The following KLK4 variants were observed in gnomAD, a reference collection of about 807,000 sequenced individuals.
KLK4 encodes kallikrein related peptidase 4, also known as kallikrein-4.
A neutral mutation model predicts 24.3 loss-of-function variants in KLK4; 24 were observed. The observed-to-expected ratio is 0.99, with a 90% confidence interval of 0.72 to 1.39. KLK4 has a LOEUF of 1.39. KLK4 is among the 40% of genes most tolerant of loss of function. KLK4 has a pLI of 0.00. For synonymous variants in KLK4, 142 were observed against 138.8 expected (o/e 1.02, Z -0.16); for missense variants, 344 against 327.4 (o/e 1.05, Z -0.39).
Position 50,910,625 on chromosome 19 carries a change from A to C in KLK4, c.61+53T>G. ...GACACTGAGTCACACCTGAACATTA[A>C]CAAACACTGTGCCCCCAAGCACGGA... On this transcript the variant is annotated intron_variant, in intron 2 of 5. Coordinates refer to ENST00000324041, the Ensembl canonical transcript of KLK4. The surrounding 1 kb of genome is among the most constrained non-coding windows in gnomAD (Gnocchi z 4.4). 1 of 1,500,104 alleles carries C rather than the reference A, an allele frequency of 6.7e-7. No individual in the cohort carries two copies. 92.9% of individuals were successfully genotyped at this position (1,500,104 alleles called of 1,614,324 possible).
intron 3 of KLK4, 43 bp downstream of exon 3, chr19:50,909,209 C>A: frequency 6.2e-7 from 1 of 1,613,916 alleles, no homozygotes; most frequent in South Asian, 1.1e-5. Flanking sequence ...AGGCCCCGCC[C>A]CCGGACCCAG....
At chr19:50,906,585 T>C (rs1227563910) in exon 6 of KLK4, 1 of 307,518 alleles carries the variant, frequency 3.3e-6, no homozygotes, top group Non-Finnish European at 6.0e-6. Flanking sequence ...GTTGGGGGCC[T>C]GGACCCCTGG....
chr19:50,908,199 G>T, intron 5 of KLK4, 160 bp downstream of exon 5: 1 of 851,070 alleles, frequency 1.2e-6, no homozygotes, highest in Non-Finnish European at 1.9e-6. Flanking sequence ...CTTTATTCCT[G>T]TGTTTATTTC....
Position 50,910,599 on chromosome 19 carries a change from G to A in KLK4, c.61+79C>T, listed in dbSNP as rs1027477440. ...GGCAGCTTTGCAGTCACAAGCAAGA[G>A]GACACTGAGTCACACCTGAACATTA... is the stretch of plus-strand genomic sequence containing the variant. On this transcript the variant is annotated intron_variant, in intron 2 of 5. Coordinates refer to ENST00000324041, the Ensembl canonical transcript of KLK4. The surrounding 1 kb of genome is among the most constrained non-coding windows in gnomAD (Gnocchi z 4.4). 1.5e-5 allele frequency: 20 copies of A among 1,332,914 alleles called. No homozygotes were observed. The highest frequency in any genetic ancestry group is 5.9e-5 in the Admixed American group (3 of 50,672). The allele number at this position is 1,332,914 out of a possible 1,614,324, so 82.6% of individuals were successfully genotyped here.
rs143632081 is a variant in KLK4 at position 50,908,611 on chromosome 19, C to T, written c.443G>A (p.Cys148Tyr). The T allele has an allele frequency of 6.1e-5, 99 of 1,614,110 alleles. 1 individual carries two copies. The highest frequency in any genetic ancestry group is 8.1e-5 in the Non-Finnish European group (95 of 1,180,052). Residue 148 changes from cysteine (C) to tyrosine (Y), a missense_variant, in exon 4 of 6, where the codon TGC becomes TAC. Physicochemically the swap from Cys to Tyr is radical, Grantham distance 194. Transcript: ENST00000324041. The stretch of plus-strand genomic sequence containing the variant: ...CAGCAGACCCCAGCCAGAAACGAGG[C>T]AAGAGTTCCCCGCGGTAGGGCACTG...
chr19:50,910,708 A>T lies in KLK4; in HGVS notation c.31T>A (p.Phe11Ile). ...ACACCAAGGATGAGGTACCCCAGGA[A>T]CCAGCCCCAGGGATTTCCTGCTGTG... is the stretch of plus-strand genomic sequence containing the variant. Residue 11 changes from phenylalanine (F) to isoleucine (I), a missense_variant, in exon 2 of 6, where the codon TTC becomes ATC. Coordinates refer to ENST00000324041, the Ensembl canonical transcript of KLK4. This position sits in a 1 kb window ranked among gnomAD's most constrained non-coding sequence, Gnocchi z 4.4. The T allele has an allele frequency of 6.4e-7, 1 of 1,555,584 alleles. No individual in the cohort carries two copies. The highest frequency in any genetic ancestry group is 8.7e-7 in the Non-Finnish European group (1 of 1,148,828).
chr19:50,906,469 T>C, exon 6 of KLK4: 1 of 275,696 alleles, frequency 3.6e-6, no homozygotes, highest in Admixed American at 4.8e-5. Context: ...AGAGTCTAGG[T>C]GGCATTGGAC....
At chr19:50,909,230 C>T in intron 3 of KLK4, 22 bp downstream of exon 3, 1 of 1,614,054 alleles carries the variant, frequency 6.2e-7, no homozygotes, top group Non-Finnish European at 8.5e-7. Flanking sequence ...GCCCTGCCCA[C>T]TCCCCCTACC....
chr19:50,909,310 A>C, exon 3 of KLK4: 1 of 1,614,232 alleles, frequency 6.2e-7, no homozygotes, highest in South Asian at 1.1e-5. Flanking sequence ...ACGCCCGAGC[A>C]GAACAATTCG....
At chr19:50,908,531 G>C in intron 4 of KLK4, 36 bp from the exon 5 acceptor site, 3 of 1,614,170 alleles carry the variant, frequency 1.9e-6, no homozygotes, top group Non-Finnish European at 2.5e-6. Flanking sequence ...CCCCGCGACT[G>C]GGCAGAGGAC....
intron 5 of KLK4, among the ~76,000 whole-genome samples, chr19:50,907,404 CTTTTTTTTTT>C (rs147857832): frequency 9.0e-6 from 1 of 110,726 alleles, no homozygotes; most frequent in African/African-American, 3.4e-5. Context: ...TTTGTAAAGT[CTTTTTTTTTT>C]TTTTTTTTTT....
rs561379091 is a variant in KLK4, at chr19:50,910,305, A to G, written c.61+373T>C. On this transcript the variant is annotated intron_variant, in intron 2 of 5. Transcript: ENST00000324041. The surrounding 1 kb of genome is among the most constrained non-coding windows in gnomAD (Gnocchi z 4.4). ...AGTTCCTTGGGGATGGGAGAGGGGG[A>G]TCTCAGGACTGAAGACCCAGGAAGC... 5.3e-5 allele frequency among the ~76,000 whole-genome samples: 8 copies of G among 152,028 alleles called. No individual in the cohort carries two copies. The highest frequency in any genetic ancestry group is 1.9e-4 in the African/African-American group (8 of 41,432).
intron 5 of KLK4, 144 bp from the exon 6 acceptor site, chr19:50,907,230 A>G (rs2090440697): frequency 2.3e-6 from 2 of 859,934 alleles, no homozygotes; most frequent in Non-Finnish European, 3.8e-6. Context: ...ATCTGTTGGA[A>G]GTCCCATTCC....
At chr19:50,909,033 G>C in intron 3 of KLK4, 1 of 1,480,026 alleles carries the variant, frequency 6.8e-7, no homozygotes, top group East Asian at 2.5e-5. Context: ...TAGAGACTCA[G>C]CACTGGGCTG....
chr19:50,908,452 C>T, exon 5 of KLK4: 2 of 1,614,162 alleles, frequency 1.2e-6, no homozygotes, highest in Non-Finnish European at 1.7e-6. Flanking sequence ...CCTCCTCAGA[C>T]ACCACCGACA....
intron 5 of KLK4, chr19:50,908,147 G>A (rs907001717): frequency 1.7e-5 from 11 of 639,660 alleles, no homozygotes; most frequent in Non-Finnish European, 2.4e-5. Context: ...GTGTGTTTCT[G>A]CCTCCCCATG....
rs1221968640 is a variant in KLK4, at chr19:50,910,993, G to A, written c.-11-244C>T. 6.6e-6 allele frequency among the ~76,000 whole-genome samples: 1 copy of A among 152,134 alleles called. No individual in the cohort carries two copies. The highest frequency in any genetic ancestry group is 6.5e-5 in the Admixed American group (1 of 15,272). On this transcript the variant is annotated intron_variant, in intron 1 of 5. Transcript: ENST00000324041. This position sits in a 1 kb window ranked among gnomAD's most constrained non-coding sequence, Gnocchi z 4.4. ...GAGAGAGAACTAGGTAGAAAGGAAA[G>A]TTTAGAGAAAGCATCTAGCCATCTG...
Position 50,908,354 on chromosome 19 carries a change from C to T in KLK4, c.612+5G>A, listed in dbSNP as rs1250426247. On this transcript the variant is annotated splice_donor_5th_base_variant and intron_variant, in intron 5 of 5. Transcript: ENST00000324041. ...TCGCCTGCCCTCCCCTTTCCCCTCTCTCACGTTGCAGGAGTCCTTCTGGTC... is the reference window on the plus strand; with the variant it reads ...TCGCCTGCCCTCCCCTTTCCCCTCTTTCACGTTGCAGGAGTCCTTCTGGTC... 1 of 1,612,958 alleles carries T rather than the reference C, an allele frequency of 6.2e-7. No individual in the cohort carries two copies. Among genetic ancestry groups the T allele is most frequent in the Non-Finnish European group, 8.5e-7 (1 of 1,180,026 alleles).
exon 3 of KLK4, chr19:50,909,344 C>G: frequency 6.2e-7 from 1 of 1,614,220 alleles, no homozygotes; most frequent in Non-Finnish European, 8.5e-7. Context: ...GTGCCGCCTG[C>G]CAGGGCTGCG....
Sources: gnomAD v4.1 joint callset for allele counts (sites outside exome capture counted in the v4.1 genomes callset) on GRCh38, gnomAD v4.1.1 for gene constraint, Gnocchi (gnomAD v3.1) non-coding constraint, MANE v1.5 for transcripts, NCBI Gene and HGNC (gene_info 2026-07-23, HGNC 2026-07-21) for gene names.